Variants in RBFOX1 observed in about 807,000 individuals in gnomAD.
The protein encoded by RBFOX1 is RNA binding fox-1 homolog 1.
A neutral mutation model predicts 57.7 loss-of-function variants in RBFOX1; 8 were observed. That is an observed-to-expected ratio of 0.14 (90% CI 0.08 to 0.25). The LOEUF is 0.25. Ranked by LOEUF, RBFOX1 falls within the 10% of genes least tolerant of loss-of-function variation. RBFOX1 has a pLI of 1.00. For synonymous variants in RBFOX1, 326 were observed against 222.4 expected, an observed-to-expected ratio of 1.47 and a Z score of -4.15; for missense variants, 611 against 548.5, an observed-to-expected ratio of 1.11 and a Z score of -1.14.
At chr16:7,430,712 G>T (rs1024664966) in intron 4 of RBFOX1, among the ~76,000 whole-genome samples, 1 of 151,268 alleles carries the variant, frequency 6.6e-6, no homozygotes, top group Non-Finnish European at 1.5e-5. Flanking sequence ...AGAGTTGCCA[G>T]CATGGCATGG....
In RBFOX1 at chr16:7,144,417, C is replaced by CTTCTTTTTTTTTTTTTTTTTTTTTT. The variant is rs3046798; in HGVS notation, c.27+92321_27+92322insCTTTTTTTTTTTTTTTTTTTTTTTT. Among the ~76,000 whole-genome samples, 11 of 66,914 alleles carry CTTCTTTTTTTTTTTTTTTTTTTTTT rather than the reference C, an allele frequency of 1.6e-4. 1 individual carries two copies. The highest frequency in any genetic ancestry group is 3.6e-4 in the African/African-American group (6 of 16,482). 43.9% of individuals were successfully genotyped at this position (66,914 alleles called of 152,430 possible). A position where few individuals can be genotyped will look rare whatever the true frequency, so the allele number is the denominator to read the frequency against. On this transcript the variant is annotated intron_variant, in intron 4 of 15. Transcript: ENST00000550418. The stretch of plus-strand genomic sequence containing the variant: ...TCTTTTCTCTTTCTTTTTCTTTCTT[C>CTTCTTTTTTTTTTTTTTTTTTTTTT]TTTTTTTTTTTTTTTTTTTTTGAGT...
chr16:6,580,051 C>T (rs1368389202), intron 2 of RBFOX1, among the ~76,000 whole-genome samples: 5 of 152,020 alleles, frequency 3.3e-5, no homozygotes, highest in South Asian at 4.2e-4. Context: ...TTCTGCCTCC[C>T]GGGTTCAAGT....
At chr16:7,070,129 G>T (rs553036942) in intron 4 of RBFOX1, among the ~76,000 whole-genome samples, 2 of 152,154 alleles carry the variant, frequency 1.3e-5, no homozygotes, top group Non-Finnish European at 2.9e-5. Context: ...AGCAACTGCC[G>T]CTGTGCTCAT....
At chr16:6,583,374 CAA>C (rs2097564336) in intron 2 of RBFOX1, among the ~76,000 whole-genome samples, 2 of 152,260 alleles carry the variant, frequency 1.3e-5, no homozygotes, top group South Asian at 4.1e-4. Context: ...TGATGCCAAA[CAA>C]GAGGAATGAT....
intron 2 of RBFOX1, among the ~76,000 whole-genome samples, chr16:5,548,145 A>G (rs1447174825): frequency 7.2e-6 from 1 of 138,468 alleles, no homozygotes; most frequent in African/African-American, 2.7e-5. Flanking sequence ...TGGGTGACAG[A>G]GCAAGACTCT....
chr16:5,610,720 T>C (rs2047750467), intron 3 of RBFOX1: 1 of 151,882 alleles, frequency 6.6e-6, no homozygotes, highest in Non-Finnish European at 1.5e-5. Context: ...AAATTAAAAA[T>C]TTAATGGCGT....
intron 4 of RBFOX1, among the ~76,000 whole-genome samples, chr16:7,278,318 C>T (rs2095479179): frequency 6.6e-6 from 1 of 152,112 alleles, no homozygotes; most frequent in Non-Finnish European, 1.5e-5. Context: ...AGAGATCAAA[C>T]CTCCTTCAGT....
chr16:5,541,820 A>G (rs2044965046), intron 2 of RBFOX1, among the ~76,000 whole-genome samples: 1 of 152,152 alleles, frequency 6.6e-6, no homozygotes, highest in Non-Finnish European at 1.5e-5. Flanking sequence ...GAAGGATAGG[A>G]TTGGTTATTC....
At chr16:7,618,300 A>C (rs943061502) in intron 10 of RBFOX1, among the ~76,000 whole-genome samples, 12 of 152,214 alleles carry the variant, frequency 7.9e-5, no homozygotes, top group Admixed American at 2.6e-4. Flanking sequence ...CTATATTCAC[A>C]CTGAGTAACA....
chr16:6,813,116 G>C (rs866414444), intron 3 of RBFOX1, among the ~76,000 whole-genome samples: 1 of 149,448 alleles, frequency 6.7e-6, no homozygotes, highest in African/African-American at 2.5e-5. Context: ...AAAAAAAAAA[G>C]TGCAACCTAA....
intron 3 of RBFOX1, among the ~76,000 whole-genome samples, chr16:5,636,249 G>A (rs957617745): frequency 3.9e-5 from 6 of 152,136 alleles, no homozygotes; most frequent in Non-Finnish European, 7.3e-5. Flanking sequence ...TCTGGAGGCC[G>A]ATGCAGGAGA....
At chr16:5,788,745 T>TCA (rs138486516) in intron 3 of RBFOX1, among the ~76,000 whole-genome samples, 22 of 150,918 alleles carry the variant, frequency 1.5e-4, no homozygotes, top group African/African-American at 3.9e-4. Flanking sequence ...ACATACACAT[T>TCA]CACACACACA....
Position 6,873,399 on chromosome 16 carries a change from A to T in RBFOX1, c.-15-178658A>T, listed in dbSNP as rs546460042. Among the ~76,000 whole-genome samples, 278 of 152,250 alleles carry T rather than the reference A, an allele frequency of 1.8e-3. 2 individuals carry two copies. Among genetic ancestry groups the T allele is most frequent in the African/African-American group, 6.5e-3 (269 of 41,506 alleles). On this transcript the variant is annotated intron_variant, in intron 3 of 15. Coordinates refer to ENST00000550418, the MANE Select transcript of RBFOX1 (RefSeq NM_018723.4). ...TCTTTGAGTTATGTAAGCAGAATGC[A>T]ATTAAAGAAGAAGTGCTCACTATGA...
intron 3 of RBFOX1, among the ~76,000 whole-genome samples, chr16:6,662,393 T>C (rs1049742756): frequency 5.3e-5 from 8 of 152,186 alleles, no homozygotes; most frequent in African/African-American, 1.9e-4. Flanking sequence ...CTGTTAAATA[T>C]ATGCAATTTT....
chr16:7,221,346 T>A (rs957502914), intron 4 of RBFOX1, among the ~76,000 whole-genome samples: 5 of 148,636 alleles, frequency 3.4e-5, no homozygotes. Flanking sequence ...TTTATTTGAT[T>A]ATTTATTTAT....
At chr16:5,240,570 A>C (rs1423693710) in intron 1 of RBFOX1, among the ~76,000 whole-genome samples, 1 of 152,152 alleles carries the variant, frequency 6.6e-6, no homozygotes, top group Non-Finnish European at 1.5e-5. Context: ...GCGCTCACCC[A>C]GCTCCTCACC....
intron 3 of RBFOX1, among the ~76,000 whole-genome samples, chr16:6,786,006 C>A (rs928421659): frequency 2.0e-5 from 3 of 152,186 alleles, no homozygotes; most frequent in Non-Finnish European, 2.9e-5. Flanking sequence ...CTTAAACACC[C>A]CATCTTGAGC....
intron 2 of RBFOX1, among the ~76,000 whole-genome samples, chr16:6,410,994 A>T (rs2093441940): frequency 6.6e-6 from 1 of 152,158 alleles, no homozygotes; most frequent in African/African-American, 2.4e-5. Context: ...GGATGTAGTT[A>T]TCACTTCCCT....
chr16:7,370,581 C>G (rs1346974503), intron 4 of RBFOX1, among the ~76,000 whole-genome samples: 1 of 152,228 alleles, frequency 6.6e-6, no homozygotes, highest in African/African-American at 2.4e-5. Context: ...TTCAGATGTG[C>G]TGCCTTGCAG....
Sources: allele counts gnomAD v4.1 joint callset (sites outside exome capture counted in the v4.1 genomes callset), GRCh38; gene constraint gnomAD v4.1.1; transcripts MANE v1.5; gene names NCBI Gene and HGNC (gene_info 2026-07-23, HGNC 2026-07-21).